CDKN2B-AS1: variants seen among roughly 807,000 people sequenced by gnomAD.
CDKN2B-AS1 encodes CDKN2B and CDKN2A antisense cis and trans regulatory RNA 1, also known as CDKN2B antisense RNA 1 (non-protein coding).
chr9:22,097,649 G>A (rs1337079000), intron 4 of CDKN2B-AS1, among the ~76,000 whole-genome samples: 1 of 152,174 alleles, frequency 6.6e-6, no homozygotes, highest in Non-Finnish European at 1.5e-5. Flanking sequence ...AAGGGAACTT[G>A]TTTACAATTC....
chr9:22,081,558 A>G (rs754325315), intron 4 of CDKN2B-AS1, among the ~76,000 whole-genome samples: 1 of 152,242 alleles, frequency 6.6e-6, no homozygotes, highest in Non-Finnish European at 1.5e-5. Context: ...TAGGGATTAC[A>G]GAAATGGGAA....
intron 4 of CDKN2B-AS1, chr9:22,118,173 G>A (rs1049653720): frequency 2.0e-5 from 3 of 152,164 alleles, no homozygotes; most frequent in Non-Finnish European, 4.4e-5. Flanking sequence ...TCTCCACATT[G>A]CCTTTTAGTT....
At chr9:22,103,032 G>A (rs1825536705) in intron 4 of CDKN2B-AS1, among the ~76,000 whole-genome samples, 1 of 152,012 alleles carries the variant, frequency 6.6e-6, no homozygotes, top group African/African-American at 2.4e-5. Context: ...CAAATAACCA[G>A]GAGTACAAAC....
chr9:22,109,421 T>A (rs946069864), intron 4 of CDKN2B-AS1, among the ~76,000 whole-genome samples: 1 of 152,064 alleles, frequency 6.6e-6, no homozygotes, highest in Non-Finnish European at 1.5e-5. Context: ...GTAAATAGAG[T>A]TTGTTTAAAC....
Position 22,006,293 on chromosome 9 carries a change from T to C in CDKN2B-AS1, n.29+11132T>C, listed in dbSNP as rs1587382458. On this transcript the variant is annotated intron_variant and non_coding_transcript_variant, in intron 1 of 4. Transcript: ENST00000650946. The surrounding 1 kb of genome is among the most constrained non-coding windows in gnomAD (Gnocchi z 6.4). ...GTCAGAGCCAGGGTGGGGGCAGGTATGGGAGATGCCGGCCGGGGCAAGGCA... is the reference window on the plus strand; with the variant it reads ...GTCAGAGCCAGGGTGGGGGCAGGTACGGGAGATGCCGGCCGGGGCAAGGCA... 2.5e-6 allele frequency: 4 copies of C among 1,598,938 alleles called. No homozygotes were observed. Among genetic ancestry groups the C allele is most frequent in the Non-Finnish European group, 3.4e-6 (4 of 1,179,576 alleles).
At chr9:22,087,088 G>A (rs563495730) in intron 4 of CDKN2B-AS1, among the ~76,000 whole-genome samples, 1 of 152,196 alleles carries the variant, frequency 6.6e-6, no homozygotes, top group Non-Finnish European at 1.5e-5. Context: ...AGTGAATCAG[G>A]AGTAGCCTAA....
chr9:22,095,282 C>T (rs553814986), intron 4 of CDKN2B-AS1, among the ~76,000 whole-genome samples: 1 of 144,806 alleles, frequency 6.9e-6, no homozygotes, highest in Non-Finnish European at 1.5e-5. Context: ...AGGAGGCAGT[C>T]TGTCCATTCT....
intron 1 of CDKN2B-AS1, among the ~76,000 whole-genome samples, chr9:22,036,189 C>T (rs1295928875): frequency 6.6e-6 from 1 of 152,036 alleles, no homozygotes; most frequent in East Asian, 1.9e-4. Flanking sequence ...TCACTTTTCT[C>T]CTTTTGAATT....
intron 4 of CDKN2B-AS1, among the ~76,000 whole-genome samples, chr9:22,064,792 A>G (rs1473250154): frequency 1.3e-5 from 2 of 152,146 alleles, no homozygotes; most frequent in African/African-American, 4.8e-5. Flanking sequence ...GTGGCCAAAC[A>G]CACAATGGTT....
intron 1 of CDKN2B-AS1, among the ~76,000 whole-genome samples, chr9:22,010,387 A>T (rs1821437408): frequency 6.6e-6 from 1 of 152,234 alleles, no homozygotes; most frequent in South Asian, 2.1e-4. Flanking sequence ...GGAACTGCAT[A>T]AGTGGACCTC....
At chr9:22,063,840 G>A (rs749011006) in intron 4 of CDKN2B-AS1, 3 of 152,414 alleles carry the variant, frequency 2.0e-5, no homozygotes, top group Non-Finnish European at 4.4e-5. Flanking sequence ...CTGGAGGACA[G>A]GCAGCTGGGG....
chr9:22,027,238 T>C (rs1417360178), intron 1 of CDKN2B-AS1, among the ~76,000 whole-genome samples: 1 of 152,150 alleles, frequency 6.6e-6, no homozygotes, highest in East Asian at 1.9e-4. Context: ...TAAATTTATT[T>C]AATCATTATG....
At chr9:22,042,577 C>T (rs1021634107) in intron 1 of CDKN2B-AS1, among the ~76,000 whole-genome samples, 1 of 152,208 alleles carries the variant, frequency 6.6e-6, no homozygotes, top group Admixed American at 6.5e-5. Context: ...TACTCAGACT[C>T]TACCTTGCCC....
intron 3 of CDKN2B-AS1, among the ~76,000 whole-genome samples, chr9:22,049,955 C>G (rs939117665): frequency 6.6e-6 from 1 of 152,050 alleles, no homozygotes; most frequent in Non-Finnish European, 1.5e-5. Context: ...ATGGCTAGGA[C>G]TTGCAGAATT....
intron 4 of CDKN2B-AS1, among the ~76,000 whole-genome samples, chr9:22,125,129 T>C (rs1199578630): frequency 6.6e-6 from 1 of 152,264 alleles, no homozygotes; most frequent in Non-Finnish European, 1.5e-5. Context: ...TTTATCTTGC[T>C]TGATAACCAA....
At chr9:22,034,533 GT>G (rs1200977866) in intron 1 of CDKN2B-AS1, among the ~76,000 whole-genome samples, 2 of 152,084 alleles carry the variant, frequency 1.3e-5, no homozygotes, top group African/African-American at 4.8e-5. Flanking sequence ...CTCCAACTTG[GT>G]TTTGGACAGA....
chr9:22,040,511 T>C lies in CDKN2B-AS1; in HGVS notation n.30-6240T>C, dbSNP rs147553657. Among the ~76,000 whole-genome samples the C allele has an allele frequency of 8.5e-5, 13 of 152,080 alleles. No homozygotes were observed. The East Asian group carries it at 2.1e-3, about 25-fold the overall frequency. On this transcript the variant is annotated intron_variant and non_coding_transcript_variant, in intron 1 of 4. Transcript: ENST00000650946. Reference sequence around the variant, plus strand: ...GGAGATCATAACCAACATCAGACTGTCAGTGAAGCAGACTGGGAGAAGTTT... The same window carrying C: ...GGAGATCATAACCAACATCAGACTGCCAGTGAAGCAGACTGGGAGAAGTTT...
exon 5 of CDKN2B-AS1, among the ~76,000 whole-genome samples, chr9:22,127,545 A>G (rs1331365449): frequency 1.3e-5 from 2 of 152,198 alleles, no homozygotes; most frequent in African/African-American, 4.8e-5. Flanking sequence ...TCATTGTTTA[A>G]CAGAGAAGGA....
chr9:22,029,048 A>G (rs1822358697), intron 1 of CDKN2B-AS1, among the ~76,000 whole-genome samples: 1 of 116,360 alleles, frequency 8.6e-6, no homozygotes, highest in Admixed American at 1.0e-4. Context: ...AATTTAAACC[A>G]TACAAAAATT....
Sources: allele counts gnomAD v4.1 joint callset (sites outside exome capture counted in the v4.1 genomes callset), GRCh38; gene constraint gnomAD v4.1.1; non-coding constraint Gnocchi (gnomAD v3.1); transcripts MANE v1.5; gene names NCBI Gene and HGNC (gene_info 2026-07-23, HGNC 2026-07-21).